PLD1: variants seen among roughly 807,000 people sequenced by gnomAD.
PLD1 encodes the protein phospholipase D1, also known as choline phosphatase 1.
A neutral mutation model predicts 137.1 loss-of-function variants in PLD1; 112 were observed. The observed-to-expected ratio is 0.82, with a 90% CI of 0.70 to 0.96. PLD1 has a LOEUF of 0.96. Ranked by LOEUF, PLD1 falls within the 40% of genes least tolerant of loss-of-function variation. The pLI is 0.00. For missense variants in PLD1, 1,321 were observed against 1,342.0 expected (o/e 0.98, Z 0.24); for synonymous variants, 431 against 454.7 (o/e 0.95, Z 0.66).
intron 1 of PLD1, among the ~76,000 whole-genome samples, chr3:171,774,740 G>C (rs933810446): frequency 6.6e-6 from 1 of 152,194 alleles, no homozygotes; most frequent in Non-Finnish European, 1.5e-5. Flanking sequence ...AAGCCAGCTC[G>C]GGGCTGGAGC....
At chr3:171,665,225 A>T (rs192354274) in intron 19 of PLD1, among the ~76,000 whole-genome samples, 4 of 152,310 alleles carry the variant, frequency 2.6e-5, no homozygotes, top group Admixed American at 2.6e-4. Context: ...CTGGGTTAAG[A>T]GGCGATTCTT....
chr3:171,717,863 T>G lies in PLD1; in HGVS notation c.759-3818A>C, dbSNP rs1397159248. On this transcript the variant is annotated intron_variant, in intron 8 of 26. Transcript: ENST00000351298. Reference sequence around the variant, plus strand: ...AGTCAGTATGATGTTGGCTGTGGGTTTGTCATAGATGGCTCTTATTATTTT... The same window carrying G: ...AGTCAGTATGATGTTGGCTGTGGGTGTGTCATAGATGGCTCTTATTATTTT... Among the ~76,000 whole-genome samples, 3 of 152,218 alleles carry G rather than the reference T, an allele frequency of 2.0e-5. No homozygotes were observed. The East Asian group carries it at 5.8e-4, about 29-fold the overall frequency.
intron 23 of PLD1, among the ~76,000 whole-genome samples, chr3:171,629,925 G>A (rs1734514186): frequency 6.6e-6 from 1 of 151,978 alleles, no homozygotes; most frequent in Non-Finnish European, 1.5e-5. Flanking sequence ...AGAAAACCTA[G>A]GCATTACCAT....
chr3:171,739,711 C>T (rs1719634683), intron 1 of PLD1, among the ~76,000 whole-genome samples: 2 of 152,288 alleles, frequency 1.3e-5, no homozygotes, highest in Admixed American at 6.5e-5. Context: ...GCCATCCCCT[C>T]TTTATAGATA....
chr3:171,785,573 G>A (rs1010451976), intron 1 of PLD1, among the ~76,000 whole-genome samples: 3 of 151,980 alleles, frequency 2.0e-5, no homozygotes, highest in African/African-American at 4.8e-5. Flanking sequence ...CGAGTAGCTC[G>A]CATTACAGGC....
Position 171,611,498 on chromosome 3 carries a change from A to T in PLD1, c.2882+781T>A, listed in dbSNP as rs1294173990. Reference sequence around the variant, plus strand: ...TTCTAAATAACACTTTATTGAATGGACTTATTTAGGATCGCACAGCTGAAA... The same window carrying T: ...TTCTAAATAACACTTTATTGAATGGTCTTATTTAGGATCGCACAGCTGAAA... On this transcript the variant is annotated intron_variant, in intron 25 of 26. Transcript: ENST00000351298. 5 of 472,406 alleles carry T rather than the reference A, an allele frequency of 1.1e-5. No individual in the cohort carries two copies. In the Admixed American group the frequency reaches 1.2e-4, roughly 11 times the overall value. The allele number at this position is 472,406 out of a possible 1,614,324, so 29.3% of individuals were successfully genotyped here.
At chr3:171,763,009 T>C (rs1423820755) in intron 1 of PLD1, among the ~76,000 whole-genome samples, 1 of 152,176 alleles carries the variant, frequency 6.6e-6, no homozygotes, top group Non-Finnish European at 1.5e-5. Context: ...TCATAGTAAG[T>C]GCTTATGATA....
rs1420216877 is a variant in PLD1, at chr3:171,662,160, G to C, written c.2240C>G (p.Ser747Cys). ...TATACCAGCAGACCAATCAGCAGCA[G>C]AGCGGAGCAACTACAAGGCAGCAAT... ...SVHANVQLLR[S>C]AADWSAGIKY... is the part of the protein sequence containing the mutation. Residue 747 changes from serine to cysteine, a missense_variant, in exon 20 of 27, where the codon TCT becomes TGT. Ser to Cys is a moderately radical substitution (Grantham distance 112). Transcript: ENST00000351298. 2 of 1,608,288 alleles carry C rather than the reference G, an allele frequency of 1.2e-6. No homozygotes were observed. The highest frequency in any genetic ancestry group is 3.3e-5 in the Admixed American group (2 of 59,952).
chr3:171,798,993 G>T lies in PLD1; in HGVS notation c.-32+11406C>A, dbSNP rs537865165. The stretch of plus-strand genomic sequence containing the variant: ...TTGGGGGCATCATTCTGGTCCCTTC[G>T]ACCAGATTATCTGGTCTCTGAGCAT... On this transcript the variant is annotated intron_variant, in intron 1 of 26. Transcript: ENST00000351298. Among the ~76,000 whole-genome samples the T allele has an allele frequency of 9.5e-4, 144 of 152,230 alleles. 1 individual carries two copies. The Middle Eastern group carries it at 0.01, about 11-fold the overall frequency.
At chr3:171,748,549 C>A (rs1051820182) in intron 1 of PLD1, among the ~76,000 whole-genome samples, 1 of 152,070 alleles carries the variant, frequency 6.6e-6, no homozygotes, top group Non-Finnish European at 1.5e-5. Flanking sequence ...ATGGATCTGG[C>A]AAACTCACAT....
At chr3:171,616,860 T>A (rs995148121) in intron 24 of PLD1, among the ~76,000 whole-genome samples, 33 of 152,326 alleles carry the variant, frequency 2.2e-4, no homozygotes, top group Admixed American at 2.6e-4. Context: ...GGTCATTTGT[T>A]ACAGCAGTAA....
Position 171,753,713 on chromosome 3 carries a change from CCT to C in PLD1, c.-31-15633_-31-15632del, listed in dbSNP as rs140310188. ...CCCACCTTTGCTTGTTTCCAACCGT[CCT>C]CTCATTATTTCATCAGTCAACTCCC... On this transcript the variant is annotated intron_variant, in intron 1 of 26. Transcript: ENST00000351298. 1.5e-4 allele frequency among the ~76,000 whole-genome samples: 23 copies of C among 152,174 alleles called. No homozygotes were observed. In the East Asian group the frequency reaches 4.1e-3, roughly 27 times the overall value.
chr3:171,682,074 T>G (rs544561362), intron 16 of PLD1, among the ~76,000 whole-genome samples: 1 of 140,796 alleles, frequency 7.1e-6, no homozygotes, highest in East Asian at 2.1e-4. Context: ...GTTCTGCACG[T>G]GTATCCCAGA....
chr3:171,735,206 C>A (rs1455928780), intron 4 of PLD1, among the ~76,000 whole-genome samples: 1 of 152,188 alleles, frequency 6.6e-6, no homozygotes, highest in Non-Finnish European at 1.5e-5. Flanking sequence ...ATGCTCACTG[C>A]AGTTTTAAAC....
chr3:171,659,347 G>C (rs760424327), intron 20 of PLD1, 46 bp from the exon 21 acceptor site: 2 of 1,184,170 alleles, frequency 1.7e-6, no homozygotes, highest in South Asian at 1.2e-5. Context: ...TATTTTCTTA[G>C]CAATATACGT....
In PLD1 at chr3:171,662,136, A is replaced by G; in HGVS notation, c.2264T>C (p.Ile755Thr). 1 of 1,613,500 alleles carries G rather than the reference A, an allele frequency of 6.2e-7. No individual in the cohort carries two copies. Among genetic ancestry groups the G allele is most frequent in the Non-Finnish European group, 8.5e-7 (1 of 1,179,396 alleles). Residue 755 changes from isoleucine (I) to threonine (T), a missense_variant, in exon 20 of 27, where the codon ATA becomes ACA. Coordinates refer to ENST00000351298, the MANE Select transcript of PLD1 (RefSeq NM_002662.5). ...LRSAADWSAG[I>T]KYHEESIHAA... The stretch of plus-strand genomic sequence containing the variant: ...GTGGATGGACTCTTCATGGTACTTT[A>G]TACCAGCAGACCAATCAGCAGCAGA...
At position 171,601,617 on chromosome 3, in the gene PLD1, C is replaced by T. The variant is rs1471785694; in HGVS notation, c.*1461G>A. 1 of 152,150 alleles carries T rather than the reference C, an allele frequency of 6.6e-6. No individual in the cohort carries two copies. The highest frequency in any genetic ancestry group is 1.5e-5 in the Non-Finnish European group (1 of 68,034). The allele number at this position is 152,150 out of a possible 1,614,324, so 9.4% of individuals were successfully genotyped here. ...CTCTTCTGCTAACCCCTATCCCTGACTTTGTGCTCCTGTTTAATTTTTCCA... is the reference window on the plus strand; with the variant it reads ...CTCTTCTGCTAACCCCTATCCCTGATTTTGTGCTCCTGTTTAATTTTTCCA... On this transcript the variant is annotated 3_prime_UTR_variant, in exon 27 of 27. Coordinates refer to ENST00000351298, the MANE Select transcript of PLD1 (RefSeq NM_002662.5).
At chr3:171,677,385 C>T (rs191078782) in intron 17 of PLD1, among the ~76,000 whole-genome samples, 181 bp downstream of exon 17, 1 of 151,892 alleles carries the variant, frequency 6.6e-6, no homozygotes, top group Non-Finnish European at 1.5e-5. Flanking sequence ...CTTATTATAA[C>T]TGAAAAAAAA....
chr3:171,610,984 G>A (rs1279985431), intron 25 of PLD1, among the ~76,000 whole-genome samples: 1 of 152,184 alleles, frequency 6.6e-6, no homozygotes, highest in African/African-American at 2.4e-5. Flanking sequence ...AGGAATGAGC[G>A]AAGTGGCCTC....
Sources: allele counts gnomAD v4.1 joint callset (sites outside exome capture counted in the v4.1 genomes callset), GRCh38; gene constraint gnomAD v4.1.1; transcripts MANE v1.5; gene names NCBI Gene and HGNC (gene_info 2026-07-23, HGNC 2026-07-21).